The following NBEA variants were observed in gnomAD, a reference collection of about 807,000 sequenced individuals.
The protein encoded by NBEA is lysosomal-trafficking regulator 2.
In NBEA, 44 loss-of-function variants were observed where a neutral mutation model predicts 343.4. The ratio of observed to expected loss-of-function variants is 0.13; its 90% CI spans 0.10 to 0.16. The LOEUF (loss-of-function observed/expected upper bound fraction) is 0.16. NBEA is among the 10% of genes least tolerant of loss of function. NBEA has a pLI of 1.00. For missense variants in NBEA, 2,555 were observed against 3,631.3 expected, an observed-to-expected ratio of 0.70 and a Z score of 7.62; for synonymous variants, 1,175 against 1,238.7, an observed-to-expected ratio of 0.95 and a Z score of 1.08.
intron 17 of NBEA, among the ~76,000 whole-genome samples, chr13:35,126,120 G>C (rs1221080794): frequency 6.6e-6 from 1 of 152,164 alleles, no homozygotes; most frequent in Admixed American, 6.5e-5. Context: ...ATTGGATCAT[G>C]GGGGCAGTTC....
At chr13:35,249,954 A>C (rs1022603461) in intron 34 of NBEA, among the ~76,000 whole-genome samples, 13 of 152,206 alleles carry the variant, frequency 8.5e-5, no homozygotes, top group Non-Finnish European at 1.6e-4. Context: ...AGGAAATTAT[A>C]CTAAGTAAAA....
intron 1 of NBEA, among the ~76,000 whole-genome samples, chr13:34,996,857 T>G (rs1158874821): frequency 6.6e-6 from 1 of 152,160 alleles, no homozygotes; most frequent in Non-Finnish European, 1.5e-5. Flanking sequence ...AAAATATATG[T>G]GACGAAGAAA....
intron 36 of NBEA, among the ~76,000 whole-genome samples, chr13:35,346,076 C>G (rs180910568): frequency 6.6e-6 from 1 of 151,996 alleles, no homozygotes; most frequent in Non-Finnish European, 1.5e-5. Context: ...AAAACTGATA[C>G]AATTTCTTTG....
chr13:35,576,764 A>G lies in NBEA; in HGVS notation c.7036-7134A>G, dbSNP rs147481098. Among the ~76,000 whole-genome samples the G allele has an allele frequency of 6.3e-4, 96 of 152,302 alleles. 1 individual carries two copies. The East Asian group carries it at 0.016, about 25-fold the overall frequency. ...TTTAAATGTTACCAATTTTCCCCACAAGAAATTTATACTGATTTATTTGCC... is the reference window on the plus strand; with the variant it reads ...TTTAAATGTTACCAATTTTCCCCACGAGAAATTTATACTGATTTATTTGCC... On this transcript the variant is annotated intron_variant, in intron 45 of 58. Coordinates refer to ENST00000379939, the MANE Select transcript of NBEA (RefSeq NM_001385012.1).
At chr13:35,063,295 A>G (rs1472789156) in intron 8 of NBEA, among the ~76,000 whole-genome samples, 1 of 152,030 alleles carries the variant, frequency 6.6e-6, no homozygotes, top group African/African-American at 2.4e-5. Context: ...TAGGGTGTGC[A>G]GTATCATGGG....
In NBEA at chr13:35,668,452, A is replaced by G. The variant is rs1186273724; in HGVS notation, c.8746A>G (p.Lys2916Glu). 5 of 1,613,530 alleles carry G rather than the reference A, an allele frequency of 3.1e-6. No individual in the cohort carries two copies. The highest frequency in any genetic ancestry group is 4.2e-6 in the Non-Finnish European group (5 of 1,179,724). Residue 2916 changes from lysine (K) to glutamate (E), a missense_variant, in exon 58 of 59, where the codon AAG becomes GAG. Physicochemically the swap from Lys to Glu is moderately conservative, Grantham distance 56. Coordinates refer to ENST00000379939, the MANE Select transcript of NBEA (RefSeq NM_001385012.1). Reference sequence around the variant, plus strand: ...AGAGGTCTGGCAGGCCTGTGACTTCAAGCAACTGTACATTTACCCTGGATG... The same window carrying G: ...AGAGGTCTGGCAGGCCTGTGACTTCGAGCAACTGTACATTTACCCTGGATG... ...VVEVWQACDF[K>E]QLYIYPGCDA...
chr13:34,976,647 G>GTTTTT (rs1279170590), intron 1 of NBEA, among the ~76,000 whole-genome samples: 5 of 141,868 alleles, frequency 3.5e-5, no homozygotes, highest in Admixed American at 1.4e-4. Context: ...TTTTTTCTTT[G>GTTTTT]TTTTTTGTTT....
At chr13:34,968,088 T>C (rs1326738982) in intron 1 of NBEA, among the ~76,000 whole-genome samples, 4 of 152,076 alleles carry the variant, frequency 2.6e-5, no homozygotes, top group African/African-American at 9.7e-5. Context: ...CACTTACAAT[T>C]ACAGTTTTAT....
chr13:35,328,586 C>T (rs931717733), intron 36 of NBEA, among the ~76,000 whole-genome samples: 2 of 151,952 alleles, frequency 1.3e-5, no homozygotes, highest in African/African-American at 4.8e-5. Context: ...CATTGCATGC[C>T]TGGATCAAAA....
At chr13:35,349,060 G>C in intron 36 of NBEA, 48 bp from the exon 37 acceptor site, 1 of 1,077,944 alleles carries the variant, frequency 9.3e-7, no homozygotes, top group Non-Finnish European at 1.3e-6. Context: ...AAATTGGACT[G>C]ACCAAAGCTA....
chr13:35,555,680 A>G (rs1337300879), intron 44 of NBEA, among the ~76,000 whole-genome samples: 1 of 152,088 alleles, frequency 6.6e-6, no homozygotes, highest in Non-Finnish European at 1.5e-5. Flanking sequence ...AAACATGTCT[A>G]TGAGATTTAA....
intron 44 of NBEA, among the ~76,000 whole-genome samples, chr13:35,563,344 T>G (rs1474660974): frequency 6.6e-6 from 1 of 151,972 alleles, no homozygotes; most frequent in Non-Finnish European, 1.5e-5. Context: ...GAGTATTACT[T>G]TGGAAATAAC....
At chr13:35,578,944 T>A (rs1369318933) in intron 45 of NBEA, among the ~76,000 whole-genome samples, 1 of 150,412 alleles carries the variant, frequency 6.6e-6, no homozygotes, top group Admixed American at 6.6e-5. Context: ...TTTTTTTTTT[T>A]AACAATTTTG....
At chr13:35,254,760 G>A (rs535264803) in intron 34 of NBEA, among the ~76,000 whole-genome samples, 14 of 151,672 alleles carry the variant, frequency 9.2e-5, no homozygotes, top group Admixed American at 2.0e-4. Context: ...TTCAAATTCC[G>A]TTATCTAAAT....
At chr13:35,290,809 T>C (rs889745452) in intron 35 of NBEA, among the ~76,000 whole-genome samples, 11 of 151,414 alleles carry the variant, frequency 7.3e-5, no homozygotes, top group African/African-American at 2.7e-4. Context: ...TCTTCTCTTA[T>C]ATTTGAGATA....
chr13:34,980,722 G>T (rs900654178), intron 1 of NBEA, among the ~76,000 whole-genome samples: 2 of 152,006 alleles, frequency 1.3e-5, no homozygotes, highest in African/African-American at 2.4e-5. Flanking sequence ...TCATTTAGTA[G>T]ATTACAATTA....
intron 1 of NBEA, among the ~76,000 whole-genome samples, chr13:34,979,734 A>C (rs1445797905): frequency 1.3e-5 from 2 of 152,192 alleles, no homozygotes; most frequent in Non-Finnish European, 2.9e-5. Context: ...ATAGAATTTA[A>C]TTCATCAACT....
At chr13:35,644,920 C>A (rs759977073) in intron 49 of NBEA, among the ~76,000 whole-genome samples, 1 of 152,158 alleles carries the variant, frequency 6.6e-6, no homozygotes, top group Non-Finnish European at 1.5e-5. Flanking sequence ...TTGGACAGCA[C>A]TTAAAGAGAT....
chr13:35,475,168 A>G, intron 41 of NBEA: 1 of 1,614,024 alleles, frequency 6.2e-7, no homozygotes, highest in Non-Finnish European at 8.5e-7. Flanking sequence ...AAACAGATCT[A>G]AGTTCGGTAG....
Sources: gnomAD v4.1 joint callset for allele counts (sites outside exome capture counted in the v4.1 genomes callset) on GRCh38, gnomAD v4.1.1 for gene constraint, MANE v1.5 for transcripts, NCBI Gene and HGNC (gene_info 2026-07-23, HGNC 2026-07-21) for gene names.